Variants in MAEA observed in about 807,000 individuals in gnomAD.
MAEA encodes the protein E3 ubiquitin-protein transferase MAEA.
Under a neutral mutation model 46.2 loss-of-function variants are expected in MAEA, and 22 were observed. The ratio of observed to expected loss-of-function variants is 0.48; its 90% confidence interval spans 0.34 to 0.68. The LOEUF (loss-of-function observed/expected upper bound fraction) is 0.68. Among genes scored for constraint, MAEA ranks in the 30% least tolerant of loss-of-function variants. The pLI, the probability that MAEA is intolerant of heterozygous loss-of-function variation, is 0.01. For missense variants in MAEA, 393 were observed against 558.1 expected (o/e 0.70, Z 2.98); for synonymous variants, 246 against 222.6 (o/e 1.11, Z -0.94).
In MAEA at chr4:1,325,721, T is replaced by C. The variant is rs542855990; in HGVS notation, c.580-1906T>C. ...TATCTCTTCCCGCTGGCCCTTCCCT[T>C]CCTCTCCTGCCAGGCTGGCTCTGAA... On this transcript the variant is annotated intron_variant, in intron 4 of 8. Coordinates refer to ENST00000303400, the MANE Select transcript of MAEA (RefSeq NM_001017405.3). Among the ~76,000 whole-genome samples the C allele has an allele frequency of 7.2e-5, 11 of 151,816 alleles. No homozygotes were observed. The South Asian group carries it at 2.3e-3, about 32-fold the overall frequency.
intron 2 of MAEA, 131 bp from the exon 3 acceptor site, chr4:1,315,266 G>A (rs997489979): frequency 2.5e-5 from 21 of 835,650 alleles, no homozygotes; most frequent in East Asian, 1.3e-4. Flanking sequence ...GGTAGAGCAC[G>A]GTTTTTTTTC....
chr4:1,330,108 C>G, intron 5 of MAEA: 1 of 985,402 alleles, frequency 1.0e-6, no homozygotes, highest in Non-Finnish European at 1.2e-6. Context: ...TGGGTTTTTG[C>G]GAAATGCAAA....
At position 1,336,848 on chromosome 4, in the gene MAEA, C is replaced by A; in HGVS notation, c.766-13C>A. 6.2e-7 allele frequency: 1 copy of A among 1,612,248 alleles called. No individual in the cohort carries two copies. The highest frequency in any genetic ancestry group is 1.7e-4 in the Middle Eastern group (1 of 6,050). ...GGGAGCATCCCCAGGACCCTCTGCT[C>A]TCTGTCTTCCAGGACCTTCTGGACC... On this transcript the variant is annotated splice_polypyrimidine_tract_variant and intron_variant, in intron 6 of 8. Coordinates refer to ENST00000303400, the MANE Select transcript of MAEA (RefSeq NM_001017405.3).
At chr4:1,309,458 G>A (rs761194485) in intron 1 of MAEA, 12 of 1,316,406 alleles carry the variant, frequency 9.1e-6, no homozygotes, top group Non-Finnish European at 1.2e-5. Flanking sequence ...GGCTCCTCTG[G>A]GGGGCGTGGA....
At position 1,315,918 on chromosome 4, in the gene MAEA, G is replaced by C. The variant is rs1194759409; in HGVS notation, c.456+318G>C. On this transcript the variant is annotated intron_variant, in intron 3 of 8. Coordinates refer to ENST00000303400, the MANE Select transcript of MAEA (RefSeq NM_001017405.3). ...CGTGTTTCTCCCCCACCCCGTGTGT[G>C]TGTCTGCGCTGTGGTGAGGGCCTCC... Among the ~76,000 whole-genome samples the C allele has an allele frequency of 2.3e-5, 3 of 129,948 alleles. No individual in the cohort carries two copies. The Admixed American group carries it at 2.6e-4, about 11-fold the overall frequency. 85.3% of individuals were successfully genotyped at this position (129,948 alleles called of 152,430 possible).
intron 1 of MAEA, among the ~76,000 whole-genome samples, chr4:1,296,835 G>T (rs567138115): frequency 6.6e-6 from 1 of 152,040 alleles, no homozygotes; most frequent in East Asian, 1.9e-4. Context: ...CTCGGCTCCC[G>T]TGACACCATC....
rs757472195 is a variant in MAEA, at chr4:1,332,803, G to A, written c.703G>A (p.Glu235Lys). The change falls in exon 6 of 9, where the codon GAG becomes AAG. Residue 235 changes from glutamate (E) to lysine (K), a missense_variant. Glu to Lys is a moderately conservative substitution (Grantham distance 56). Transcript: ENST00000303400. Reference protein sequence around the residue: ...FSQAEGSQLDEVRQAMGMLAF... With the variant: ...FSQAEGSQLDKVRQAMGMLAF... Reference sequence around the variant, plus strand: ...CCAAGCAGAAGGGAGCCAGCTGGACGAGGTGCGCCAGGCCATGGGCATGCT... The same window carrying A: ...CCAAGCAGAAGGGAGCCAGCTGGACAAGGTGCGCCAGGCCATGGGCATGCT... 1 of 1,613,366 alleles carries A rather than the reference G, an allele frequency of 6.2e-7. No individual in the cohort carries two copies. Among genetic ancestry groups the A allele is most frequent in the Non-Finnish European group, 8.5e-7 (1 of 1,179,804 alleles).
At chr4:1,323,096 G>A (rs572613111) in intron 4 of MAEA, among the ~76,000 whole-genome samples, 31 of 151,848 alleles carry the variant, frequency 2.0e-4, no homozygotes, top group African/African-American at 6.8e-4. Context: ...ATAGGCATGC[G>A]CCACCATGCC....
intron 1 of MAEA, among the ~76,000 whole-genome samples, chr4:1,302,797 A>G (rs73071925): frequency 0.065 from 9,861 of 152,214 alleles, 1,022 homozygotes; most frequent in African/African-American, 0.22. Flanking sequence ...CATTTTTTAA[A>G]TGAGCACACA....
At chr4:1,321,873 G>GTTT (rs4045167) in intron 3 of MAEA, among the ~76,000 whole-genome samples, 2 of 140,440 alleles carry the variant, frequency 1.4e-5, no homozygotes, top group Non-Finnish European at 3.1e-5. Flanking sequence ...TTTTTTTGTT[G>GTTT]TTTTTTTTTT....
Position 1,309,764 on chromosome 4 carries a change from C to T in MAEA, c.70-2215C>T. 10 of 1,478,400 alleles carry T rather than the reference C, an allele frequency of 6.8e-6. No homozygotes were observed. The South Asian group carries it at 1.2e-4, about 17-fold the overall frequency. 91.6% of individuals were successfully genotyped at this position (1,478,400 alleles called of 1,614,324 possible). On this transcript the variant is annotated intron_variant, in intron 1 of 8. Coordinates refer to ENST00000303400, the MANE Select transcript of MAEA (RefSeq NM_001017405.3). ...GCCTGCGTTCTGCGTAACCGTGGCG[C>T]GTTCTGGGCAGGGCCTTTTCCCTTG...
intron 5 of MAEA, chr4:1,330,450 G>A (rs1711571363): frequency 6.6e-6 from 1 of 151,280 alleles, no homozygotes; most frequent in Non-Finnish European, 1.5e-5. Context: ...CTGAGTAGCT[G>A]GGATTACAGG....
In MAEA at chr4:1,338,950, C is replaced by T. The variant is rs577107849; in HGVS notation, c.1096-124C>T. ...GGGATTTCTTTGGCAGGTGTGCCTT[C>T]GGGAAGGAACTTTGCCTGAGAGGAT... On this transcript the variant is annotated intron_variant, in intron 8 of 8. Transcript: ENST00000303400. 5.1e-5 allele frequency: 42 copies of T among 817,444 alleles called. No individual in the cohort carries two copies. In the East Asian group the frequency reaches 8.6e-4, roughly 17 times the overall value. The allele number at this position is 817,444 out of a possible 1,614,324, so 50.6% of individuals were successfully genotyped here. A position where few individuals can be genotyped will look rare whatever the true frequency, so the allele number is the denominator to read the frequency against.
intron 1 of MAEA, among the ~76,000 whole-genome samples, chr4:1,290,730 C>T (rs550668050): frequency 2.8e-4 from 42 of 152,340 alleles, no homozygotes; most frequent in African/African-American, 9.9e-4. Flanking sequence ...TGCGTAGTTT[C>T]TCTCTCCTCC....
intron 6 of MAEA, among the ~76,000 whole-genome samples, chr4:1,334,126 CCCAT>C: frequency 1.6e-5 from 1 of 63,930 alleles, no homozygotes; most frequent in South Asian, 4.8e-4. Context: ...CCATGCCCAC[CCCAT>C]GCCCACCATG....
chr4:1,338,877 T>C, intron 8 of MAEA, 197 bp from the exon 9 acceptor site: 1 of 658,472 alleles, frequency 1.5e-6, no homozygotes, highest in Non-Finnish European at 2.6e-6. Flanking sequence ...CTGCCTTAGC[T>C]TCGTTCGAAA....
intron 3 of MAEA, among the ~76,000 whole-genome samples, chr4:1,320,554 C>G (rs6826688): frequency 0.7 from 97,531 of 140,088 alleles, 34,830 homozygotes; most frequent in African/African-American, 0.91. Context: ...CAAAGCAAAC[C>G]TGCAAGAAAA....
At chr4:1,316,630 C>G (rs1276171781) in intron 3 of MAEA, among the ~76,000 whole-genome samples, 1 of 152,110 alleles carries the variant, frequency 6.6e-6, no homozygotes, top group African/African-American at 2.4e-5. Context: ...CTCCCTGCTT[C>G]TGTCTAACCA....
intron 2 of MAEA, 87 bp from the exon 3 acceptor site, chr4:1,315,310 G>T: frequency 8.0e-7 from 1 of 1,252,056 alleles, no homozygotes; most frequent in South Asian, 1.3e-5. Context: ...CCTTGTGAGT[G>T]TTGTGGATTG....
Sources: gnomAD v4.1 joint callset for allele counts (sites outside exome capture counted in the v4.1 genomes callset) on GRCh38, gnomAD v4.1.1 for gene constraint, MANE v1.5 for transcripts, NCBI Gene and HGNC (gene_info 2026-07-23, HGNC 2026-07-21) for gene names.